The following SNX29 variants were observed in gnomAD, a reference collection of about 807,000 sequenced individuals.
The protein encoded by SNX29 is sorting nexin-29.
Under a neutral mutation model 102.1 loss-of-function variants are expected in SNX29, and 78 were observed. The ratio of observed to expected loss-of-function variants is 0.76; its 90% confidence interval spans 0.64 to 0.92. The LOEUF is 0.92. Ranked by LOEUF, SNX29 falls within the 40% of genes least tolerant of loss-of-function variation. The pLI, the probability that SNX29 is intolerant of heterozygous loss-of-function variation, is 0.00. For missense variants in SNX29, 1,280 were observed against 1,061.7 expected (o/e 1.21, Z -2.86); for synonymous variants, 580 against 414.5 (o/e 1.40, Z -4.85).
At chr16:12,538,154 C>T (rs1323994090) in intron 20 of SNX29, among the ~76,000 whole-genome samples, 4 of 152,142 alleles carry the variant, frequency 2.6e-5, no homozygotes, top group African/African-American at 4.8e-5. Context: ...CTCACTCTGT[C>T]ACCCAGAATA....
intron 15 of SNX29, among the ~76,000 whole-genome samples, chr16:12,280,410 C>T (rs1384881404): frequency 6.6e-6 from 1 of 152,206 alleles, no homozygotes; most frequent in East Asian, 1.9e-4. Context: ...GGTCCACCTG[C>T]CTGGCCGTTC....
intron 1 of SNX29, among the ~76,000 whole-genome samples, chr16:11,977,272 G>A (rs1236346220): frequency 6.6e-6 from 1 of 152,010 alleles, no homozygotes; most frequent in East Asian, 1.9e-4. Context: ...TAGTCTTTCT[G>A]GACAGTTAGT....
At chr16:12,084,296 C>T (rs1227680334) in intron 11 of SNX29, among the ~76,000 whole-genome samples, 1 of 152,136 alleles carries the variant, frequency 6.6e-6, no homozygotes, top group African/African-American at 2.4e-5. Flanking sequence ...CAGATGCCCG[C>T]CACCACACCC....
intron 20 of SNX29, among the ~76,000 whole-genome samples, chr16:12,545,952 T>A (rs2141292341): frequency 6.6e-6 from 1 of 152,228 alleles, no homozygotes; most frequent in East Asian, 1.9e-4. Context: ...TCCTGACAAC[T>A]AAGGGCAGGA....
At chr16:12,111,812 G>C (rs1043912089) in intron 11 of SNX29, among the ~76,000 whole-genome samples, 2 of 152,198 alleles carry the variant, frequency 1.3e-5, no homozygotes, top group African/African-American at 4.8e-5. Context: ...AAAATCATGG[G>C]AGTACGGAGA....
Position 12,573,014 on chromosome 16 carries a change from CTG to C in SNX29, c.*4387_*4388del. 1 of 301,146 alleles carries C rather than the reference CTG, an allele frequency of 3.3e-6. No homozygotes were observed. Among genetic ancestry groups the C allele is most frequent in the Non-Finnish European group, 5.5e-6 (1 of 181,836 alleles). The allele number at this position is 301,146 out of a possible 1,614,324, so 18.7% of individuals were successfully genotyped here. On this transcript the variant is annotated 3_prime_UTR_variant, in exon 21 of 21. Transcript: ENST00000566228. The stretch of plus-strand genomic sequence containing the variant: ...CATTAAAGCTACTGTTAAATATTTG[CTG>C]TTTTTAGATTGGCGTCCGTGCTAAT...
intron 8 of SNX29, among the ~76,000 whole-genome samples, chr16:12,059,288 G>A (rs188584297): frequency 1.3e-5 from 2 of 152,216 alleles, no homozygotes; most frequent in South Asian, 2.1e-4. Context: ...TCCTGAAAGG[G>A]CGCCCCTGAC....
intron 19 of SNX29, among the ~76,000 whole-genome samples, chr16:12,512,370 ATATATATATATATATATATATATATATAT>A (rs2089662480): frequency 1.6e-4 from 1 of 6,442 alleles, no homozygotes; most frequent in Non-Finnish European, 2.8e-4. Context: ...CCCAGGGAAA[ATATATATATATATATATATATATATATAT>A]ATATATATAT....
At chr16:12,237,795 C>A (rs1019992754) in intron 14 of SNX29, among the ~76,000 whole-genome samples, 2 of 152,230 alleles carry the variant, frequency 1.3e-5, no homozygotes, top group Non-Finnish European at 2.9e-5. Context: ...GTAATCCCAG[C>A]TACTTGGGAG....
At chr16:12,353,497 C>T (rs188860973) in intron 15 of SNX29, among the ~76,000 whole-genome samples, 12 of 140,338 alleles carry the variant, frequency 8.6e-5, no homozygotes, top group Admixed American at 7.5e-4. Context: ...AGACGCACAG[C>T]CACAGGCTCA....
At chr16:12,383,647 G>C (rs1171389203) in intron 16 of SNX29, among the ~76,000 whole-genome samples, 2 of 151,622 alleles carry the variant, frequency 1.3e-5, no homozygotes, top group Non-Finnish European at 2.9e-5. Context: ...CGTTGGCCAG[G>C]CTGGTCTCGA....
At chr16:12,270,017 C>T (rs764189525) in intron 14 of SNX29, among the ~76,000 whole-genome samples, 11 of 152,006 alleles carry the variant, frequency 7.2e-5, no homozygotes, top group Admixed American at 2.6e-4. Context: ...CGCACCACCA[C>T]GCCCAGCTAA....
At chr16:12,057,157 C>T (rs557509766) in intron 8 of SNX29, among the ~76,000 whole-genome samples, 1 of 152,248 alleles carries the variant, frequency 6.6e-6, no homozygotes, top group African/African-American at 2.4e-5. Flanking sequence ...TCTATGATAC[C>T]GGTAGGGAAG....
intron 20 of SNX29, among the ~76,000 whole-genome samples, chr16:12,535,070 C>G (rs1034978246): frequency 7.2e-5 from 11 of 152,138 alleles, no homozygotes; most frequent in African/African-American, 2.7e-4. Context: ...ACTCCACAGT[C>G]AAGAAAAAGA....
chr16:12,387,161 A>G (rs1176074470), intron 16 of SNX29, among the ~76,000 whole-genome samples: 3 of 152,078 alleles, frequency 2.0e-5, no homozygotes, highest in East Asian at 3.9e-4. Context: ...AGCCACACCT[A>G]GATTCCCATT....
chr16:12,246,313 A>G (rs578079501), intron 14 of SNX29, among the ~76,000 whole-genome samples: 1 of 152,148 alleles, frequency 6.6e-6, no homozygotes, highest in African/African-American at 2.4e-5. Context: ...TGGATTAAAA[A>G]CAGTGCTAAT....
chr16:12,165,071 C>T lies in SNX29; in HGVS notation c.1596-34530C>T, dbSNP rs558092846. 1.4e-4 allele frequency among the ~76,000 whole-genome samples: 21 copies of T among 152,280 alleles called. No individual in the cohort carries two copies. In the South Asian group the frequency reaches 1.7e-3, roughly 12 times the overall value. On this transcript the variant is annotated intron_variant, in intron 13 of 20. Coordinates refer to ENST00000566228, the MANE Select transcript of SNX29 (RefSeq NM_032167.5). ...TCATGTGAGTGAATCAAGAGTTTGT[C>T]GTGTTCGGCCTTTTGAGGAACAGGA...
intron 20 of SNX29, among the ~76,000 whole-genome samples, chr16:12,541,487 A>C (rs1303592713): frequency 6.6e-6 from 1 of 152,164 alleles, no homozygotes; most frequent in African/African-American, 2.4e-5. Flanking sequence ...TCTCAGACCC[A>C]GACCTCTGTG....
intron 15 of SNX29, among the ~76,000 whole-genome samples, chr16:12,293,727 T>G (rs978060542): frequency 2.0e-5 from 3 of 152,160 alleles, no homozygotes; most frequent in Admixed American, 6.5e-5. Context: ...TTGAACAGAT[T>G]AAAAAAATAA....
Sources: allele counts gnomAD v4.1 joint callset (sites outside exome capture counted in the v4.1 genomes callset), GRCh38; gene constraint gnomAD v4.1.1; transcripts MANE v1.5; gene names NCBI Gene and HGNC (gene_info 2026-07-23, HGNC 2026-07-21).